Variants in TENM3 observed in about 807,000 individuals in gnomAD.
TENM3 encodes the protein teneurin transmembrane protein 3, also known as teneurin-3.
Under a neutral mutation model 255.1 loss-of-function variants are expected in TENM3, and 63 were observed. That is an observed-to-expected ratio of 0.25 (90% CI 0.20 to 0.30). The LOEUF is 0.30. Among genes scored for constraint, TENM3 ranks in the 10% least tolerant of loss-of-function variants. The pLI is 1.00. For missense variants in TENM3, 2,929 were observed against 3,461.1 expected (o/e 0.85, Z 3.86); for synonymous variants, 1,306 against 1,322.3 (o/e 0.99, Z 0.27).
chr4:182,734,625 A>G (rs929891331), intron 16 of TENM3, among the ~76,000 whole-genome samples: 2 of 152,200 alleles, frequency 1.3e-5, no homozygotes, highest in African/African-American at 2.4e-5. Context: ...TTGGCAGGAC[A>G]TGGTTCCTAA....
chr4:182,092,918 T>C, the TENM3 span, among the ~76,000 whole-genome samples: 1 of 152,328 alleles, frequency 6.6e-6, no homozygotes, highest in South Asian at 2.1e-4. Flanking sequence ...AAGTAAAGTG[T>C]GTCTGATTTC....
chr4:182,622,160 G>C (rs981763765), intron 4 of TENM3, among the ~76,000 whole-genome samples: 8 of 151,908 alleles, frequency 5.3e-5, no homozygotes, highest in Admixed American at 4.6e-4. Context: ...AGGAGTTCGA[G>C]ACCAGCCTGG....
At chr4:182,706,289 T>C (rs1758276888) in intron 12 of TENM3, among the ~76,000 whole-genome samples, 1 of 152,244 alleles carries the variant, frequency 6.6e-6, no homozygotes, top group Non-Finnish European at 1.5e-5. Flanking sequence ...TAATTTCTTG[T>C]GCCTCAGTTG....
the TENM3 span, among the ~76,000 whole-genome samples, chr4:182,101,498 G>C: frequency 2.0e-5 from 3 of 152,022 alleles, no homozygotes; most frequent in African/African-American, 7.2e-5. Flanking sequence ...CCTTCCTTAC[G>C]GGATCTGAAT....
the TENM3 span, among the ~76,000 whole-genome samples, chr4:181,928,525 A>T: frequency 3.3e-5 from 5 of 152,000 alleles, no homozygotes; most frequent in Admixed American, 1.3e-4. Flanking sequence ...GAAATATGGG[A>T]CTACGTGAAA....
At chr4:181,526,375 A>G in the TENM3 span, among the ~76,000 whole-genome samples, 1 of 152,068 alleles carries the variant, frequency 6.6e-6, no homozygotes, top group Non-Finnish European at 1.5e-5. Flanking sequence ...CCCATATTTG[A>G]CAAGCAAAGC....
At chr4:181,984,242 G>A in the TENM3 span, among the ~76,000 whole-genome samples, 1 of 151,912 alleles carries the variant, frequency 6.6e-6, no homozygotes, top group Non-Finnish European at 1.5e-5. Flanking sequence ...TCATCCCATT[G>A]CTAACATGTT....
intron 3 of TENM3, among the ~76,000 whole-genome samples, chr4:182,583,525 A>C (rs1345441797): frequency 6.6e-6 from 1 of 152,160 alleles, no homozygotes; most frequent in Non-Finnish European, 1.5e-5. Flanking sequence ...TGATAAAGCC[A>C]GTACCTAAAT....
At chr4:182,723,902 T>G (rs555019865) in intron 13 of TENM3, among the ~76,000 whole-genome samples, 18 of 152,314 alleles carry the variant, frequency 1.2e-4, no homozygotes, top group Non-Finnish European at 2.5e-4. Flanking sequence ...GTATTTACTC[T>G]TTGGTTCTAC....
chr4:182,590,619 G>C (rs1026993049), intron 3 of TENM3, among the ~76,000 whole-genome samples: 7 of 151,220 alleles, frequency 4.6e-5, no homozygotes, highest in African/African-American at 9.7e-5. Flanking sequence ...CAACACTTTG[G>C]GGGGCTGAGG....
intron 7 of TENM3, 44 bp from the exon 8 acceptor site, chr4:182,679,622 C>A: frequency 6.8e-7 from 1 of 1,460,412 alleles, no homozygotes. Context: ...AGAGAAGCAG[C>A]CACCCTTTAT....
the TENM3 span, among the ~76,000 whole-genome samples, chr4:181,785,160 T>G: frequency 0.92 from 140,418 of 152,120 alleles, 65,242 homozygotes; most frequent in South Asian, 0.99. Context: ...GTTGGAGCAG[T>G]GAGATGATAC....
chr4:182,738,912 T>C (rs537562652), intron 18 of TENM3, among the ~76,000 whole-genome samples: 1 of 149,958 alleles, frequency 6.7e-6, no homozygotes, highest in Admixed American at 6.7e-5. Context: ...CAAAGTACTT[T>C]AGAAAGGTTT....
the TENM3 span, among the ~76,000 whole-genome samples, chr4:181,946,719 G>A: frequency 2.0e-5 from 3 of 152,088 alleles, no homozygotes; most frequent in East Asian, 1.9e-4. Flanking sequence ...AAAAAAGAAT[G>A]AATAGAGTTC....
the TENM3 span, among the ~76,000 whole-genome samples, chr4:181,989,490 A>G: frequency 1.2e-4 from 19 of 152,296 alleles, no homozygotes; most frequent in East Asian, 3.7e-3. Flanking sequence ...ACATATCTGT[A>G]AAAGTACTTA....
rs769083390 is a variant in TENM3 at position 182,800,082 on chromosome 4, A to T, written c.7831A>T (p.Met2611Leu). 2 of 1,599,022 alleles carry T rather than the reference A, an allele frequency of 1.3e-6. No homozygotes were observed. Among genetic ancestry groups the T allele is most frequent in the East Asian group, 2.3e-5 (1 of 44,138 alleles). Residue 2611 changes from methionine to leucine, a missense_variant, in exon 28 of 28, where the codon ATG becomes TTG. Met to Leu is a conservative substitution (Grantham distance 15, BLOSUM62 2). Coordinates refer to ENST00000511685, the MANE Select transcript of TENM3 (RefSeq NM_001080477.4). ...GCTGGCGCTGCACGTGCGCTACGGC[A>T]TGACCCTGGACGAGGAGAAGGCGCG... Reference protein sequence around the residue: ...GALALHVRYGMTLDEEKARIL... With the variant: ...GALALHVRYGLTLDEEKARIL...
intron 1 of TENM3, among the ~76,000 whole-genome samples, chr4:182,300,420 G>C (rs1402218729): frequency 1.3e-5 from 2 of 152,148 alleles, no homozygotes; most frequent in African/African-American, 4.8e-5. Context: ...GTTGAATTAT[G>C]GGATCTGATG....
At chr4:181,484,430 A>G in the TENM3 span, among the ~76,000 whole-genome samples, 3 of 152,070 alleles carry the variant, frequency 2.0e-5, no homozygotes, top group African/African-American at 7.2e-5. Flanking sequence ...TCTCATTTGC[A>G]TCTGGTTTAT....
At chr4:182,358,150 G>A (rs1301804493) in intron 3 of TENM3, among the ~76,000 whole-genome samples, 14 of 151,860 alleles carry the variant, frequency 9.2e-5, no homozygotes, top group African/African-American at 2.7e-4. Flanking sequence ...GTCAGGTAGC[G>A]TGATGCCTCC....
Sources: allele counts gnomAD v4.1 joint callset (sites outside exome capture counted in the v4.1 genomes callset), GRCh38; gene constraint gnomAD v4.1.1; transcripts MANE v1.5; gene names NCBI Gene and HGNC (gene_info 2026-07-23, HGNC 2026-07-21).